Variants in CACNA1S observed in about 807,000 individuals in gnomAD.
CACNA1S encodes calcium voltage-gated channel subunit alpha1 S.
CACNA1S carries 126 observed loss-of-function variants against 207.4 expected under a neutral mutation model. That is an observed-to-expected ratio of 0.61 (90% CI 0.53 to 0.70). The LOEUF (loss-of-function observed/expected upper bound fraction) is 0.70. Ranked by LOEUF, CACNA1S falls within the 30% of genes least tolerant of loss-of-function variation. The pLI is 0.00. For missense variants in CACNA1S, 2,349 were observed against 2,422.8 expected (o/e 0.97, Z 0.64); for synonymous variants, 960 against 932.7 (o/e 1.03, Z -0.53).
At chr1:201,111,462 C>T (rs1284419248) in intron 1 of CACNA1S, among the ~76,000 whole-genome samples, 1 of 152,156 alleles carries the variant, frequency 6.6e-6, no homozygotes, top group East Asian at 1.9e-4. Flanking sequence ...CAAATGCAAA[C>T]ATAGCATGAG....
intron 7 of CACNA1S, 101 bp downstream of exon 7, chr1:201,087,725 C>T (rs1316041927): frequency 3.8e-6 from 3 of 799,422 alleles, no homozygotes; most frequent in Admixed American, 2.0e-5. Flanking sequence ...CACTCGCCCC[C>T]CACCCCTCCT....
Position 201,093,934 on chromosome 1 carries a change from C to T in CACNA1S, c.346G>A (p.Ala116Thr), listed in dbSNP as rs772899672. Residue 116 changes from alanine (A) to threonine (T), a missense_variant, in exon 3 of 44, where the codon GCT becomes ACT. Ala to Thr is a moderately conservative substitution (Grantham distance 58). Coordinates refer to ENST00000362061, the MANE Select transcript of CACNA1S (RefSeq NM_000069.3). ...ACATTCCAGCCACTGCGCAGGTAAG[C>T]GTCCTGGTGGAATAAGAAGCCGTAG... ...IAYGFLFHQD[A>T]YLRSGWNVLD... 21 of 1,614,202 alleles carry T rather than the reference C, an allele frequency of 1.3e-5. No homozygotes were observed. Among genetic ancestry groups the T allele is most frequent in the South Asian group, 8.8e-5 (8 of 91,074 alleles).
In CACNA1S at chr1:201,049,729, G is replaced by C. The variant is rs533982766; in HGVS notation, c.4242-630C>G. 4.6e-5 allele frequency among the ~76,000 whole-genome samples: 7 copies of C among 152,324 alleles called. No homozygotes were observed. In the East Asian group the frequency reaches 1.2e-3, roughly 25 times the overall value. On this transcript the variant is annotated intron_variant, in intron 34 of 43. Transcript: ENST00000362061. ...CCAGAGGGCTGAATGAGGACCTGTG[G>C]GTGGCTGGTAGAGGCAAGTAGGTTT... is the stretch of plus-strand genomic sequence containing the variant.
chr1:201,092,712 C>T (rs1662284567), intron 3 of CACNA1S, among the ~76,000 whole-genome samples: 1 of 152,226 alleles, frequency 6.6e-6, no homozygotes, highest in Non-Finnish European at 1.5e-5. Flanking sequence ...CTGCTTTCTG[C>T]ACTCTATTAT....
intron 25 of CACNA1S, 42 bp downstream of exon 25, chr1:201,061,225 G>T: frequency 6.3e-7 from 1 of 1,576,438 alleles, no homozygotes; most frequent in Non-Finnish European, 8.7e-7. Context: ...CAGGAGGCCT[G>T]CTGGAGCTCT....
At position 201,040,151 on chromosome 1, in the gene CACNA1S, G is replaced by A. The variant is rs548662648; in HGVS notation, c.5371-69C>T. 6.8e-5 allele frequency: 110 copies of A among 1,611,962 alleles called. 2 individuals are homozygous for A. In the South Asian group the frequency reaches 8.4e-4, roughly 12 times the overall value. On this transcript the variant is annotated intron_variant, in intron 43 of 43. Transcript: ENST00000362061. The stretch of plus-strand genomic sequence containing the variant: ...CACATTTGGGGACCTGCCTCTGTTG[G>A]CCCTACCCTCTCTCCACGCCAGGCC...
chr1:201,092,090 C>T lies in CACNA1S; in HGVS notation c.423G>A (p.Gln141=). The T allele has an allele frequency of 6.2e-7, 1 of 1,614,080 alleles. No individual in the cohort carries two copies. The highest frequency in any genetic ancestry group is 8.5e-7 in the Non-Finnish European group (1 of 1,180,002). The change falls in exon 4 of 44, where the codon CAG becomes CAA. Residue 141 remains glutamine, a synonymous_variant. Coordinates refer to ENST00000362061, the MANE Select transcript of CACNA1S (RefSeq NM_000069.3). ...FLGVFTVILE[Q]VNVIQSHTAP... ...CTGTGTGGCTTTGGATGACGTTAAC[C>T]TGTTCCAGAATCACGGTGAAGACCC...
At chr1:201,078,517 C>A (rs1432153762) in intron 10 of CACNA1S, among the ~76,000 whole-genome samples, 309 of 121,596 alleles carry the variant, frequency 2.5e-3, no homozygotes, top group Non-Finnish European at 4.2e-3. Flanking sequence ...AAATTAGCTT[C>A]AAAAAAAAAA....
chr1:201,069,427 G>A (rs1228692593), intron 18 of CACNA1S, 45 bp downstream of exon 18: 2 of 1,604,054 alleles, frequency 1.2e-6, no homozygotes, highest in African/African-American at 2.7e-5. Flanking sequence ...ACTGAGGCTG[G>A]AGGGGGCAGG....
At position 201,069,126 on chromosome 1, in the gene CACNA1S, C is replaced by A; in HGVS notation, c.2550+11G>T. The A allele has an allele frequency of 6.2e-7, 1 of 1,613,216 alleles. No homozygotes were observed. The highest frequency in any genetic ancestry group is 8.5e-7 in the Non-Finnish European group (1 of 1,179,184). On this transcript the variant is annotated intron_variant, in intron 19 of 43. Coordinates refer to ENST00000362061, the MANE Select transcript of CACNA1S (RefSeq NM_000069.3). ...CTCCCTCCCCAGGGCTGCCCCACAG[C>A]CTTCACTCACCTTGAGGACAATCTC...
intron 43 of CACNA1S, 55 bp from the exon 44 acceptor site, chr1:201,040,137 ACCTGCCTCTGTTGG>A (rs1370522059): frequency 1.2e-6 from 2 of 1,609,690 alleles, no homozygotes; most frequent in Non-Finnish European, 1.7e-6. Context: ...ACATTTGGGG[ACCTGCCTCTGTTGG>A]CCCTACCCTC....
In CACNA1S at chr1:201,065,767, T is replaced by C. The variant is rs1350859925; in HGVS notation, c.2853+71A>G. The C allele has an allele frequency of 4.1e-6, 4 of 970,658 alleles. No homozygotes were observed. In the Admixed American group the frequency reaches 5.2e-5, roughly 13 times the overall value. The allele number at this position is 970,658 out of a possible 1,614,324, so 60.1% of individuals were successfully genotyped here. ...GACATCTGTTTTCACAATGTGGGGC[T>C]CCTTGTGCTTGAGAGTGGGCACCAG... On this transcript the variant is annotated intron_variant, in intron 22 of 43. Transcript: ENST00000362061.
intron 3 of CACNA1S, 95 bp from the exon 4 acceptor site, chr1:201,092,209 C>A: frequency 7.0e-7 from 1 of 1,426,154 alleles, no homozygotes; most frequent in South Asian, 1.2e-5. Context: ...GCTTGAGCAC[C>A]TGTGGAAAGG....
chr1:201,039,768 C>T lies in CACNA1S; in HGVS notation c.*63G>A. On this transcript the variant is annotated 3_prime_UTR_variant, in exon 44 of 44. Transcript: ENST00000362061. ...GCGGTGGGCTAGCCCTTCTCCACCC[C>T]AGCAACTTCCCCACCCCCATTGGTC... The T allele has an allele frequency of 2.5e-6, 4 of 1,597,372 alleles. No individual in the cohort carries two copies. Among genetic ancestry groups the T allele is most frequent in the Non-Finnish European group, 3.4e-6 (4 of 1,178,164 alleles).
At chr1:201,062,989 C>T (rs546450958) in intron 22 of CACNA1S, among the ~76,000 whole-genome samples, 4 of 152,298 alleles carry the variant, frequency 2.6e-5, no homozygotes, top group East Asian at 3.9e-4. Context: ...GCCAGTGGGG[C>T]GGGAGCAGCA....
chr1:201,051,185 C>A (rs761949212), intron 32 of CACNA1S, 42 bp from the exon 33 acceptor site: 5 of 1,612,124 alleles, frequency 3.1e-6, no homozygotes, highest in Non-Finnish European at 4.2e-6. Context: ...CTGCTCCTGC[C>A]TGGCCCCTCA....
intron 22 of CACNA1S, 148 bp from the exon 23 acceptor site, chr1:201,062,662 G>T: frequency 4.1e-6 from 3 of 725,328 alleles, no homozygotes; most frequent in Middle Eastern, 3.1e-4. Flanking sequence ...CCTCTCAGAG[G>T]CGTGAACTCG....
chr1:201,107,894 G>T (rs990504894), intron 2 of CACNA1S, among the ~76,000 whole-genome samples: 1 of 152,298 alleles, frequency 6.6e-6, no homozygotes, highest in African/African-American at 2.4e-5. Context: ...GCTCTGACAT[G>T]CCAGGTGGCA....
Position 201,066,938 on chromosome 1 carries a change from T to C in CACNA1S, c.2606A>G (p.Asn869Ser), listed in dbSNP as rs761747990. 1.2e-6 allele frequency: 2 copies of C among 1,614,146 alleles called. No individual in the cohort carries two copies. The highest frequency in any genetic ancestry group is 1.7e-6 in the Non-Finnish European group (2 of 1,180,014). The part of the protein sequence containing the change: ...HKGSFCRNYF[N>S]MLDLLVVAVS... ...GGCCACCACCAGCAGGTCCAGCATGTTGAAGTAATTGCGGCAGAAGGAACC... is the reference window on the plus strand; with the variant it reads ...GGCCACCACCAGCAGGTCCAGCATGCTGAAGTAATTGCGGCAGAAGGAACC... The change falls in exon 20 of 44, where the codon AAC becomes AGC. Residue 869 changes from asparagine to serine, a missense_variant. By Grantham distance (46) the Asn-to-Ser change is conservative. Coordinates refer to ENST00000362061, the MANE Select transcript of CACNA1S (RefSeq NM_000069.3). The surrounding 1 kb of genome is among the most constrained non-coding windows in gnomAD (Gnocchi z 4.3).
Sources: allele counts gnomAD v4.1 joint callset (sites outside exome capture counted in the v4.1 genomes callset), GRCh38; gene constraint gnomAD v4.1.1; non-coding constraint Gnocchi (gnomAD v3.1); transcripts MANE v1.5; gene names NCBI Gene and HGNC (gene_info 2026-07-23, HGNC 2026-07-21).